The following ZNF525 variants were observed in gnomAD, a reference collection of about 807,000 sequenced individuals.
The protein encoded by ZNF525 is zinc finger protein 525.
Under a neutral mutation model 37.6 loss-of-function variants are expected in ZNF525, and 33 were observed. That is an observed-to-expected ratio of 0.88 (90% CI 0.67 to 1.17). The LOEUF (loss-of-function observed/expected upper bound fraction) is 1.17, where lower values mean the gene tolerates loss of function less well. ZNF525 is among the 50% of genes most tolerant of loss of function. ZNF525 has a pLI of 0.00. For synonymous variants in ZNF525, 170 were observed against 182.3 expected (o/e 0.93, Z 0.54); for missense variants, 449 against 543.1 (o/e 0.83, Z 1.72).
chr19:53,376,634 G>C (rs2085524318), intron 3 of ZNF525, among the ~76,000 whole-genome samples: 1 of 152,152 alleles, frequency 6.6e-6, no homozygotes, highest in Non-Finnish European at 1.5e-5. Context: ...CTGCAGCGCA[G>C]TGGGGCGATC....
At chr19:53,379,048 G>A (rs1178864369) in intron 3 of ZNF525, among the ~76,000 whole-genome samples, 1 of 151,952 alleles carries the variant, frequency 6.6e-6, no homozygotes, top group Middle Eastern at 3.2e-3. Flanking sequence ...TAGAATTGCT[G>A]TATTGCCTGG....
chr19:53,385,278 CAT>C lies in ZNF525; in HGVS notation c.*3260_*3261del, dbSNP rs1435094105. ...ATAAACTAGTGCTAGTCTGTTATAACATGTCTGAACAGGCTCTAGTTTGATGC... is the reference window on the plus strand; with the variant it reads ...ATAAACTAGTGCTAGTCTGTTATAACGTCTGAACAGGCTCTAGTTTGATGC... On this transcript the variant is annotated 3_prime_UTR_variant, in exon 4 of 4. Coordinates refer to ENST00000474037, the MANE Select transcript of ZNF525 (RefSeq NM_001348156.2). The C allele has an allele frequency of 2.9e-6, 1 of 341,656 alleles. No homozygotes were observed. The highest frequency in any genetic ancestry group is 5.3e-6 in the Non-Finnish European group (1 of 187,948). The allele number at this position is 341,656 out of a possible 1,614,324, so 21.2% of individuals were successfully genotyped here.
intron 2 of ZNF525, 148 bp from the exon 3 acceptor site, chr19:53,375,622 A>T: frequency 6.3e-7 from 1 of 1,585,798 alleles, no homozygotes; most frequent in Non-Finnish European, 8.6e-7. Flanking sequence ...AACTGGGAAG[A>T]CAAAATGCAG....
Position 53,382,635 on chromosome 19 carries a change from G to C in ZNF525, c.*616G>C. ...ATTTACCATCAAGCAATCCATGGCAGAGGGAAACTTTACAAATGTAATGAT... is the reference window on the plus strand; with the variant it reads ...ATTTACCATCAAGCAATCCATGGCACAGGGAAACTTTACAAATGTAATGAT... On this transcript the variant is annotated 3_prime_UTR_variant, in exon 4 of 4. Transcript: ENST00000474037. 1 of 702,488 alleles carries C rather than the reference G, an allele frequency of 1.4e-6. No homozygotes were observed. The highest frequency in any genetic ancestry group is 1.9e-5 in the Admixed American group (1 of 52,666). 43.5% of individuals were successfully genotyped at this position (702,488 alleles called of 1,614,324 possible).
chr19:53,375,436 T>C (rs1478095731), intron 2 of ZNF525, among the ~76,000 whole-genome samples: 1 of 152,050 alleles, frequency 6.6e-6, no homozygotes, highest in Non-Finnish European at 1.5e-5. Flanking sequence ...AATACAAAAA[T>C]TAAATTGGCG....
At chr19:53,375,982 C>T (rs960174500) in intron 3 of ZNF525, 86 bp downstream of exon 3, 11 of 1,602,350 alleles carry the variant, frequency 6.9e-6, no homozygotes, top group Non-Finnish European at 9.4e-6. Context: ...ATCTCTCTCT[C>T]TGTCCCCAAG....
Position 53,366,772 on chromosome 19 carries a change from G to A in ZNF525, c.-68+1013G>A, listed in dbSNP as rs1435490725. On this transcript the variant is annotated intron_variant, in intron 1 of 3. Transcript: ENST00000474037. The stretch of plus-strand genomic sequence containing the variant: ...AACCACAGCAGGGAGGACACCTGGG[G>A]ATCTGGGGTGCCAGAGAGTGGGGAC... 8.9e-5 allele frequency among the ~76,000 whole-genome samples: 13 copies of A among 145,488 alleles called. No homozygotes were observed. In the East Asian group the frequency reaches 1.4e-3, roughly 16 times the overall value.
In ZNF525 at chr19:53,381,281, G is replaced by A; in HGVS notation, c.702G>A (p.Gln234=). ...FNYSSLLRKH[Q]IIHLGEKQYK... ...ATAGCTCACTCTTAAGGAAACATCAGATTATTCATCTAGGAGAGAAACAAT... is the reference window on the plus strand; with the variant it reads ...ATAGCTCACTCTTAAGGAAACATCAAATTATTCATCTAGGAGAGAAACAAT... The change falls in exon 4 of 4, where the codon CAG becomes CAA. Residue 234 remains glutamine (Q), a synonymous_variant. Transcript: ENST00000474037. The A allele has an allele frequency of 6.9e-7, 1 of 1,440,044 alleles. No homozygotes were observed. Among genetic ancestry groups the A allele is most frequent in the South Asian group, 1.1e-5 (1 of 87,388 alleles). 89.2% of individuals were successfully genotyped at this position (1,440,044 alleles called of 1,614,324 possible).
intron 1 of ZNF525, among the ~76,000 whole-genome samples, chr19:53,367,282 G>T (rs1172420021): frequency 6.6e-6 from 1 of 151,122 alleles, no homozygotes; most frequent in African/African-American, 2.4e-5. Flanking sequence ...CCCTTGCCTT[G>T]CCTGTTACTA....
intron 1 of ZNF525, among the ~76,000 whole-genome samples, chr19:53,370,236 T>C (rs992181275): frequency 3.4e-5 from 5 of 149,012 alleles, no homozygotes; most frequent in Non-Finnish European, 6.0e-5. Context: ...CTGGCTAACT[T>C]GGTGAAACCC....
At chr19:53,369,514 A>C (rs1405426162) in intron 1 of ZNF525, among the ~76,000 whole-genome samples, 1 of 147,374 alleles carries the variant, frequency 6.8e-6, no homozygotes, top group African/African-American at 2.6e-5. Flanking sequence ...AGCATGATCC[A>C]TTGTTCCCGG....
At chr19:53,372,958 G>C (rs1380526005) in intron 2 of ZNF525, among the ~76,000 whole-genome samples, 2 of 152,128 alleles carry the variant, frequency 1.3e-5, no homozygotes, top group African/African-American at 4.8e-5. Context: ...GGAGAGGCTT[G>C]TGAAACAGGT....
chr19:53,376,490 G>T (rs1259306095), intron 3 of ZNF525: 1 of 582,176 alleles, frequency 1.7e-6, no homozygotes. Context: ...TTTCAGGTTT[G>T]TTTTTTGTTC....
rs773882504 is a variant in ZNF525, at chr19:53,381,389, T to C, written c.810T>C (p.Pro270=). 1.9e-6 allele frequency: 3 copies of C among 1,596,816 alleles called. No individual in the cohort carries two copies. The highest frequency in any genetic ancestry group is 4.5e-5 in the East Asian group (2 of 44,816). ...GTAGATGTCACACTGGTGAGAAACCTTACAAGTGTAATGAGTGTGGCAAGT... is the reference window on the plus strand; with the variant it reads ...GTAGATGTCACACTGGTGAGAAACCCTACAAGTGTAATGAGTGTGGCAAGT... ...RHRRCHTGEK[P]YKCNECGKSF... Residue 270 remains proline (P), a synonymous_variant, in exon 4 of 4, where the codon CCT becomes CCC. Transcript: ENST00000474037.
intron 2 of ZNF525, among the ~76,000 whole-genome samples, chr19:53,373,997 C>T (rs1269096126): frequency 6.6e-6 from 1 of 152,112 alleles, no homozygotes; most frequent in Admixed American, 6.6e-5. Context: ...ATTCTCCTGC[C>T]TCAGCCTCCT....
rs149470519 is a variant in ZNF525 at position 53,376,515 on chromosome 19, C to T, written c.142+619C>T. On this transcript the variant is annotated intron_variant, in intron 3 of 3. Transcript: ENST00000474037. ...GTTTTTTGTTCTTCATTCTCCATTTCCTGCTTATTGTGTTTAATTGCTTTT... is the reference window on the plus strand; with the variant it reads ...GTTTTTTGTTCTTCATTCTCCATTTTCTGCTTATTGTGTTTAATTGCTTTT... 1.5e-3 allele frequency: 878 copies of T among 584,238 alleles called. 4 individuals carry two copies. The highest frequency in any genetic ancestry group is 0.015 in the African/African-American group (782 of 53,036). 36.2% of individuals were successfully genotyped at this position (584,238 alleles called of 1,614,324 possible).
rs933085074 is a variant in ZNF525 at position 53,369,027 on chromosome 19, C to T, written c.-67-3188C>T. On this transcript the variant is annotated intron_variant, in intron 1 of 3. Coordinates refer to ENST00000474037, the MANE Select transcript of ZNF525 (RefSeq NM_001348156.2). ...ATAGTATCTTTTTATAGGTAGGTTA[C>T]CATAGACAGATGAGTCTAGGTCTGC... is the stretch of plus-strand genomic sequence containing the variant. Among the ~76,000 whole-genome samples the T allele has an allele frequency of 1.1e-4, 17 of 152,002 alleles. 1 individual carries two copies. The highest frequency in any genetic ancestry group is 2.6e-4 in the Admixed American group (4 of 15,272).
rs1408939438 is a variant in ZNF525 at position 53,386,572 on chromosome 19, TTTTCA to T, written c.*4559_*4563del. The T allele has an allele frequency of 1.9e-5, 8 of 411,796 alleles. No homozygotes were observed. Among genetic ancestry groups the T allele is most frequent in the African/African-American group, 1.2e-4 (6 of 48,032 alleles). The allele number at this position is 411,796 out of a possible 1,614,324, so 25.5% of individuals were successfully genotyped here. A position where few individuals can be genotyped will look rare whatever the true frequency, so the allele number is the denominator to read the frequency against. On this transcript the variant is annotated 3_prime_UTR_variant, in exon 4 of 4. Transcript: ENST00000474037. ...CTGTGTTCAGTAATAAACGTGAGAC[TTTTCA>T]TTTCAAAACAAAAGTCAAATGATGT...
chr19:53,370,264 C>CA (rs2085477944), intron 1 of ZNF525, among the ~76,000 whole-genome samples: 1 of 150,710 alleles, frequency 6.6e-6, no homozygotes, highest in Non-Finnish European at 1.5e-5. Flanking sequence ...ACTAAAAATA[C>CA]AAAAAATTAG....
Sources: allele counts gnomAD v4.1 joint callset (sites outside exome capture counted in the v4.1 genomes callset), GRCh38; gene constraint gnomAD v4.1.1; transcripts MANE v1.5; gene names NCBI Gene and HGNC (gene_info 2026-07-23, HGNC 2026-07-21).